Variants in CDH7 observed in about 807,000 individuals in gnomAD.
The protein encoded by CDH7 is cadherin-7.
Under a neutral mutation model 71.8 loss-of-function variants are expected in CDH7, and 25 were observed. The observed-to-expected ratio is 0.35, with a 90% CI of 0.25 to 0.49. The LOEUF (loss-of-function observed/expected upper bound fraction) is 0.49. Ranked by LOEUF, CDH7 falls within the 20% of genes least tolerant of loss-of-function variation. The probability of loss-of-function intolerance (pLI) is 0.99; values close to 1 mark genes in which losing one functional copy is unlikely to be tolerated. For synonymous variants in CDH7, 381 were observed against 363.8 expected (o/e 1.05, Z -0.54); for missense variants, 862 against 974.6 (o/e 0.88, Z 1.54).
chr18:65,759,016 A>G (rs1916111441), intron 1 of CDH7, among the ~76,000 whole-genome samples: 1 of 152,140 alleles, frequency 6.6e-6, no homozygotes, highest in South Asian at 2.1e-4. Flanking sequence ...CATTATTTCA[A>G]TGACTTTAAT....
At position 65,857,921 on chromosome 18, in the gene CDH7, T is replaced by G. The variant is rs1913422706; in HGVS notation, c.1341T>G (p.Ile447Met). 6.2e-7 allele frequency: 1 copy of G among 1,613,538 alleles called. No homozygotes were observed. The highest frequency in any genetic ancestry group is 8.5e-7 in the Non-Finnish European group (1 of 1,179,736). Residue 447 changes from isoleucine to methionine, a missense_variant, in exon 8 of 12, where the codon ATT (isoleucine) becomes ATG (methionine). Coordinates refer to ENST00000397968, the MANE Select transcript of CDH7 (RefSeq NM_004361.5). ...CTTTGGATCGAGAGACAAATGCTATTCACAATATCACAGTCCTTGCAATGG... is the reference window on the plus strand; with the variant it reads ...CTTTGGATCGAGAGACAAATGCTATGCACAATATCACAGTCCTTGCAATGG... Reference protein sequence around the residue: ...AKSLDRETNAIHNITVLAMES... With the variant: ...AKSLDRETNAMHNITVLAMES...
intron 6 of CDH7, among the ~76,000 whole-genome samples, chr18:65,832,299 G>T (rs911672053): frequency 1.3e-5 from 2 of 151,640 alleles, no homozygotes; most frequent in Non-Finnish European, 2.9e-5. Context: ...ATTATACTTG[G>T]CATAGAATTC....
At chr18:65,852,532 G>T (rs1011994390) in intron 7 of CDH7, among the ~76,000 whole-genome samples, 1 of 152,066 alleles carries the variant, frequency 6.6e-6, no homozygotes, top group Admixed American at 6.6e-5. Flanking sequence ...CATTGTGTTT[G>T]TGCCCCAGGT....
intron 4 of CDH7, among the ~76,000 whole-genome samples, chr18:65,817,670 A>G (rs371944837): frequency 4.6e-5 from 7 of 152,220 alleles, no homozygotes; most frequent in Non-Finnish European, 7.3e-5. Flanking sequence ...CCCCCTCCCA[A>G]GAGTTTTCTC....
chr18:65,778,529 C>CTATTTTTTTTTT (rs1910046311), intron 2 of CDH7, among the ~76,000 whole-genome samples: 1 of 84,340 alleles, frequency 1.2e-5, no homozygotes, highest in African/African-American at 4.4e-5. Context: ...GCGTCTCACT[C>CTATTTTTTTTTT]TTTTTTTTTT....
At chr18:65,768,786 T>C (rs1023570812) in intron 2 of CDH7, among the ~76,000 whole-genome samples, 5 of 152,110 alleles carry the variant, frequency 3.3e-5, no homozygotes, top group African/African-American at 1.2e-4. Context: ...TGGGTCCTCA[T>C]CGTTTTGTAT....
chr18:65,878,946 AC>A (rs1461183062), intron 11 of CDH7, among the ~76,000 whole-genome samples: 6 of 152,208 alleles, frequency 3.9e-5, no homozygotes, highest in East Asian at 1.9e-4. Context: ...CCACAAAAAA[AC>A]AATTGTTTTC....
chr18:65,857,822 A>G lies in CDH7; in HGVS notation c.1242A>G (p.Ser414=). Reference sequence around the variant, plus strand: ...TTCTTCAATGTTCAATTAGGTACTCAATTGACAGAAACACAGACTTGGAGA... The same window carrying G: ...TTCTTCAATGTTCAATTAGGTACTCGATTGACAGAAACACAGACTTGGAGA... ...PDSSNSPVRY[S]IDRNTDLERY... Residue 414 remains serine (S), a synonymous_variant, in exon 8 of 12, where the codon TCA becomes TCG. Transcript: ENST00000397968. The G allele has an allele frequency of 6.2e-7, 1 of 1,612,874 alleles. No individual in the cohort carries two copies. Among genetic ancestry groups the G allele is most frequent in the Non-Finnish European group, 8.5e-7 (1 of 1,179,324 alleles).
intron 4 of CDH7, among the ~76,000 whole-genome samples, chr18:65,820,645 C>T (rs1911889552): frequency 6.6e-6 from 1 of 152,122 alleles, no homozygotes; most frequent in African/African-American, 2.4e-5. Flanking sequence ...ATTACCTTTC[C>T]TACCTGCATT....
chr18:65,847,813 T>G (rs1912984786), intron 7 of CDH7, among the ~76,000 whole-genome samples: 1 of 152,058 alleles, frequency 6.6e-6, no homozygotes, highest in South Asian at 2.1e-4. Context: ...TTACCCAACA[T>G]CCAGATAGCT....
At chr18:65,811,924 T>C (rs1248314196) in intron 3 of CDH7, among the ~76,000 whole-genome samples, 1 of 151,514 alleles carries the variant, frequency 6.6e-6, no homozygotes, top group African/African-American at 2.4e-5. Flanking sequence ...GTGTGCACAA[T>C]AGTCATGCTG....
Position 65,871,199 on chromosome 18 carries a change from A to T in CDH7, c.1864+8282A>T, listed in dbSNP as rs530641644. Among the ~76,000 whole-genome samples, 6 of 152,284 alleles carry T rather than the reference A, an allele frequency of 3.9e-5. No individual in the cohort carries two copies. The East Asian group carries it at 1.2e-3, about 29-fold the overall frequency. ...AAAAAGTTCGGAACTGAATCATATG[A>T]ATTTATTGTAGAAATTCCACAATGT... On this transcript the variant is annotated intron_variant, in intron 11 of 11. Transcript: ENST00000397968.
At chr18:65,862,513 C>T (rs1299639875) in intron 10 of CDH7, among the ~76,000 whole-genome samples, 153 bp from the exon 11 acceptor site, 1 of 152,086 alleles carries the variant, frequency 6.6e-6, no homozygotes, top group Non-Finnish European at 1.5e-5. Flanking sequence ...TCCCTCTGTC[C>T]TAGAGAATTG....
chr18:65,775,807 A>G (rs978417896), intron 2 of CDH7, among the ~76,000 whole-genome samples: 5 of 152,164 alleles, frequency 3.3e-5, no homozygotes, highest in African/African-American at 1.2e-4. Flanking sequence ...CTCAAGCAAG[A>G]GTTATCACAT....
At chr18:65,871,353 T>G (rs1281724529) in intron 11 of CDH7, among the ~76,000 whole-genome samples, 1 of 152,166 alleles carries the variant, frequency 6.6e-6, no homozygotes, top group Non-Finnish European at 1.5e-5. Flanking sequence ...TAAAGACTAT[T>G]ATTTTCATAT....
Position 65,777,841 on chromosome 18 carries a change from C to G in CDH7, c.210+14789C>G, listed in dbSNP as rs76580161. On this transcript the variant is annotated intron_variant, in intron 2 of 11. Transcript: ENST00000397968. The stretch of plus-strand genomic sequence containing the variant: ...CACATTTGTCAGAGCTTGATTGTAT[C>G]TCTTTGAGAAGTGTTATCAGCCATT... 4.6e-5 allele frequency among the ~76,000 whole-genome samples: 7 copies of G among 152,226 alleles called. No individual in the cohort carries two copies. The East Asian group carries it at 1.2e-3, about 25-fold the overall frequency.
intron 2 of CDH7, among the ~76,000 whole-genome samples, chr18:65,767,801 T>G (rs66530152): frequency 0.32 from 48,740 of 152,110 alleles, 7,981 homozygotes; most frequent in Middle Eastern, 0.46. Flanking sequence ...GCAGTTATAT[T>G]CAGCTCTTAT....
At chr18:65,851,622 A>G (rs1419655440) in intron 7 of CDH7, among the ~76,000 whole-genome samples, 1 of 152,228 alleles carries the variant, frequency 6.6e-6, no homozygotes, top group African/African-American at 2.4e-5. Context: ...GAAGACACAC[A>G]GATGTATGAG....
intron 2 of CDH7, among the ~76,000 whole-genome samples, chr18:65,798,856 C>T (rs78489414): frequency 0.044 from 6,762 of 152,170 alleles, 492 homozygotes; most frequent in African/African-American, 0.15. Context: ...CACCAGCACA[C>T]GAATGTTTCA....
Sources: gnomAD v4.1 joint callset for allele counts (sites outside exome capture counted in the v4.1 genomes callset) on GRCh38, gnomAD v4.1.1 for gene constraint, MANE v1.5 for transcripts, NCBI Gene and HGNC (gene_info 2026-07-23, HGNC 2026-07-21) for gene names.